FGD4: variants seen among roughly 807,000 people sequenced by gnomAD.
The protein encoded by FGD4 is FYVE, RhoGEF and PH domain-containing protein 4.
In FGD4, 42 loss-of-function variants were observed where a neutral mutation model predicts 102.0. The observed-to-expected ratio is 0.41, with a 90% CI of 0.32 to 0.53. The LOEUF (loss-of-function observed/expected upper bound fraction) is 0.53. FGD4 is among the 20% of genes least tolerant of loss of function. FGD4 has a pLI of 0.21. For synonymous variants in FGD4, 380 were observed against 375.7 expected, an observed-to-expected ratio of 1.01 and a Z score of -0.13; for missense variants, 902 against 1,078.2, an observed-to-expected ratio of 0.84 and a Z score of 2.29.
Position 32,424,879 on chromosome 12 carries a change from G to A in FGD4, c.166+24920G>A, listed in dbSNP as rs181984608. Among the ~76,000 whole-genome samples the A allele has an allele frequency of 1.1e-3, 167 of 152,270 alleles. No individual in the cohort carries two copies. In the Middle Eastern group the frequency reaches 0.02, roughly 19 times the overall value. Reference sequence around the variant, plus strand: ...CTGCATAAATGTCTTCTTTAGAGAAGTGTCTGTTCATATCCTTTGCCCACT... The same window carrying A: ...CTGCATAAATGTCTTCTTTAGAGAAATGTCTGTTCATATCCTTTGCCCACT... On this transcript the variant is annotated intron_variant, in intron 1 of 16. Coordinates refer to ENST00000534526, the MANE Select transcript of FGD4 (RefSeq NM_001370298.3).
intron 1 of FGD4, among the ~76,000 whole-genome samples, chr12:32,471,270 C>T (rs1206945809): frequency 6.6e-6 from 1 of 152,146 alleles, no homozygotes; most frequent in Non-Finnish European, 1.5e-5. Flanking sequence ...TTGCAGATGG[C>T]CAGTTATGGG....
chr12:32,537,578 C>T (rs1043229347), intron 1 of FGD4, among the ~76,000 whole-genome samples: 22 of 152,298 alleles, frequency 1.4e-4, no homozygotes, highest in Admixed American at 1.4e-3. Flanking sequence ...TTCTCTAGCC[C>T]CTATCCCTAT....
intron 7 of FGD4, among the ~76,000 whole-genome samples, chr12:32,605,363 C>T (rs1299382837): frequency 1.3e-5 from 2 of 151,996 alleles, no homozygotes; most frequent in Non-Finnish European, 2.9e-5. Context: ...TAAACACTCC[C>T]CTACCTTACT....
chr12:32,596,924 A>G (rs1172574833), intron 4 of FGD4, among the ~76,000 whole-genome samples: 2 of 151,788 alleles, frequency 1.3e-5, no homozygotes, highest in Non-Finnish European at 2.9e-5. Context: ...AACAAGAGCA[A>G]AACTCTGTCT....
chr12:32,528,379 G>A (rs113522241), intron 1 of FGD4, among the ~76,000 whole-genome samples: 2 of 151,966 alleles, frequency 1.3e-5, no homozygotes, highest in South Asian at 2.1e-4. Flanking sequence ...TATAACCTAC[G>A]CACATCCTCC....
At chr12:32,421,804 A>G (rs1941635757) in intron 1 of FGD4, among the ~76,000 whole-genome samples, 1 of 152,170 alleles carries the variant, frequency 6.6e-6, no homozygotes, top group South Asian at 2.1e-4. Context: ...GCAGCTATGC[A>G]TGTTTAGAAA....
chr12:32,503,329 T>C (rs1317436008), intron 1 of FGD4, among the ~76,000 whole-genome samples: 1 of 152,212 alleles, frequency 6.6e-6, no homozygotes, highest in African/African-American at 2.4e-5. Context: ...GCAGGTTCAG[T>C]CTTTCTGATT....
intron 4 of FGD4, among the ~76,000 whole-genome samples, chr12:32,589,977 G>A (rs898335072): frequency 1.3e-5 from 2 of 152,220 alleles, no homozygotes; most frequent in African/African-American, 2.4e-5. Context: ...GGATCATGCC[G>A]AGCTGACAGC....
chr12:32,448,347 A>G (rs1942679522), intron 1 of FGD4, among the ~76,000 whole-genome samples: 2 of 152,262 alleles, frequency 1.3e-5, no homozygotes, highest in East Asian at 1.9e-4. Flanking sequence ...GAGCAGAGTC[A>G]TATGGACTCA....
chr12:32,547,312 C>T (rs1217713329), intron 1 of FGD4, among the ~76,000 whole-genome samples: 2 of 152,092 alleles, frequency 1.3e-5, no homozygotes, highest in East Asian at 3.8e-4. Context: ...TGGTGGCATA[C>T]ACCTGTAGTC....
chr12:32,519,250 G>A (rs1193293741), intron 1 of FGD4, among the ~76,000 whole-genome samples: 2 of 151,950 alleles, frequency 1.3e-5, no homozygotes, highest in East Asian at 1.9e-4. Flanking sequence ...GATATATTTG[G>A]AAAACACAGT....
rs117042694 is a variant in FGD4, at chr12:32,615,972, C to T, written c.1750-3726C>T. ...AAGGCGTGTTACTCTCTCTAGGAAT[C>T]GGGTAATCCTGGGAGGGGCAGTCCT... On this transcript the variant is annotated intron_variant, in intron 10 of 16. Transcript: ENST00000534526. Among the ~76,000 whole-genome samples the T allele has an allele frequency of 4.5e-3, 685 of 152,146 alleles. 21 individuals carry two copies. Among genetic ancestry groups the T allele is most frequent in the Admixed American group, 0.041 (624 of 15,264 alleles).
intron 1 of FGD4, among the ~76,000 whole-genome samples, chr12:32,434,319 T>G (rs1942156390): frequency 6.6e-6 from 1 of 152,216 alleles, no homozygotes; most frequent in Non-Finnish European, 1.5e-5. Flanking sequence ...TCTGTGTGAG[T>G]TTGCATTAGA....
At chr12:32,432,554 A>C (rs1198467262) in intron 1 of FGD4, among the ~76,000 whole-genome samples, 2 of 151,724 alleles carry the variant, frequency 1.3e-5, no homozygotes, top group East Asian at 4.0e-4. Context: ...CAGTGAGCCA[A>C]GATCGCGCCA....
At chr12:32,491,228 A>G (rs1944084985) in intron 1 of FGD4, among the ~76,000 whole-genome samples, 1 of 151,918 alleles carries the variant, frequency 6.6e-6, no homozygotes. Context: ...GTAAGCTTCC[A>G]CCTTAAGGAA....
chr12:32,503,389 A>G (rs1938403364), intron 1 of FGD4, among the ~76,000 whole-genome samples: 1 of 152,128 alleles, frequency 6.6e-6, no homozygotes, highest in African/African-American at 2.4e-5. Flanking sequence ...CTGCCCAGAG[A>G]GTTAGAAAAG....
chr12:32,614,307 T>G (rs2136809191), intron 10 of FGD4, among the ~76,000 whole-genome samples: 1 of 152,268 alleles, frequency 6.6e-6, no homozygotes, highest in South Asian at 2.1e-4. Flanking sequence ...TAACAGGAGA[T>G]GAAACATGGC....
chr12:32,413,000 T>A (rs1941268844), intron 1 of FGD4, among the ~76,000 whole-genome samples: 1 of 148,946 alleles, frequency 6.7e-6, no homozygotes, highest in African/African-American at 2.5e-5. Flanking sequence ...TGCTTGAGTT[T>A]GGGAAATCAA....
In FGD4 at chr12:32,533,385, C is replaced by T. The variant is rs74237195; in HGVS notation, c.167-30752C>T. Among the ~76,000 whole-genome samples the T allele has an allele frequency of 4.0e-3, 614 of 152,212 alleles. 12 individuals carry two copies. The highest frequency in any genetic ancestry group is 0.039 in the East Asian group (203 of 5,178). ...GGAGAATGTCTGTAACCTGTTAACTCATTATGATTTTATAAATATTTTAAT... is the reference window on the plus strand; with the variant it reads ...GGAGAATGTCTGTAACCTGTTAACTTATTATGATTTTATAAATATTTTAAT... On this transcript the variant is annotated intron_variant, in intron 1 of 16. Coordinates refer to ENST00000534526, the MANE Select transcript of FGD4 (RefSeq NM_001370298.3).
Sources: allele counts gnomAD v4.1 joint callset (sites outside exome capture counted in the v4.1 genomes callset), GRCh38; gene constraint gnomAD v4.1.1; transcripts MANE v1.5; gene names NCBI Gene and HGNC (gene_info 2026-07-23, HGNC 2026-07-21).